FLYWCH1: variants seen among roughly 807,000 people sequenced by gnomAD.
The protein encoded by FLYWCH1 is FLYWCH-type zinc finger-containing protein 1.
FLYWCH1 carries 75 observed loss-of-function variants against 66.4 expected under a neutral mutation model. That is an observed-to-expected ratio of 1.13 (90% CI 0.94 to 1.37). The LOEUF (loss-of-function observed/expected upper bound fraction) is 1.37. Ranked by LOEUF, FLYWCH1 falls within the 40% of genes most tolerant of loss-of-function variation. The pLI is 0.00. For synonymous variants in FLYWCH1, 595 were observed against 429.9 expected, an observed-to-expected ratio of 1.38 and a Z score of -4.75; for missense variants, 1,334 against 1,001.8, an observed-to-expected ratio of 1.33 and a Z score of -4.48.
At chr16:2,944,462 ATGT>A (rs2071398424) in intron 9 of FLYWCH1, among the ~76,000 whole-genome samples, 1 of 152,038 alleles carries the variant, frequency 6.6e-6, no homozygotes, top group Non-Finnish European at 1.5e-5. Flanking sequence ...GATAATAAAT[ATGT>A]TATTAGATTA....
Position 2,930,504 on chromosome 16 carries a change from G to C in FLYWCH1, c.420G>C (p.Gly140=). The C allele has an allele frequency of 6.5e-7, 1 of 1,537,744 alleles. No homozygotes were observed. The highest frequency in any genetic ancestry group is 8.7e-7 in the Non-Finnish European group (1 of 1,147,176). The change falls in exon 4 of 10, where the codon GGG becomes GGC. Residue 140 remains glycine (G), a synonymous_variant. Transcript: ENST00000253928. ...SFLYKQEKAV[G]DKVYWKCRQH... is the part of the protein sequence containing the mutation. ...TGTACAAGCAGGAGAAGGCAGTGGG[G>C]GACAAGGTGTACTGGAAGTGCCGCC...
In FLYWCH1 at chr16:2,912,065, T is replaced by C. The variant is rs3743945; in HGVS notation, c.-277T>C. Reference sequence around the variant, plus strand: ...GTCGGGGTGGCGGCGGCGGCCTGGGTCGCGGGGTCGACGCTCGCTGCTGCA... The same window carrying C: ...GTCGGGGTGGCGGCGGCGGCCTGGGCCGCGGGGTCGACGCTCGCTGCTGCA... On this transcript the variant is annotated 5_prime_UTR_variant, in exon 1 of 10. Transcript: ENST00000253928. 129,256 of 152,188 alleles carry C rather than the reference T, an allele frequency of 0.85. 55,177 individuals carry two copies. The highest frequency in any genetic ancestry group is 0.87 in the Non-Finnish European group (59,408 of 68,054). 9.4% of individuals were successfully genotyped at this position (152,188 alleles called of 1,614,324 possible).
In FLYWCH1 at chr16:2,933,524, G is replaced by A. The variant is rs1480003673; in HGVS notation, c.1191G>A (p.Gln397=). ...GAAAGCGAGCAAAGGTCGAAGACCA[G>A]GAGCTGCCAACCCAGCCCGAGGCCC... is the stretch of plus-strand genomic sequence containing the variant. ...RPRKRAKVED[Q]ELPTQPEAPD... The change falls in exon 5 of 10, where the codon CAG becomes CAA. Residue 397 remains glutamine (Q), a synonymous_variant. Transcript: ENST00000253928. The A allele has an allele frequency of 6.2e-7, 1 of 1,611,752 alleles. No homozygotes were observed. Among genetic ancestry groups the A allele is most frequent in the South Asian group, 1.1e-5 (1 of 90,822 alleles).
chr16:2,923,490 C>T (rs1367287426), intron 2 of FLYWCH1, among the ~76,000 whole-genome samples: 1 of 152,134 alleles, frequency 6.6e-6, no homozygotes, highest in East Asian at 1.9e-4. Flanking sequence ...AGGTGATCCG[C>T]CCGCCTCAGC....
chr16:2,946,126 G>A (rs1483546759), intron 9 of FLYWCH1, among the ~76,000 whole-genome samples: 1 of 152,146 alleles, frequency 6.6e-6, no homozygotes, highest in Non-Finnish European at 1.5e-5. Flanking sequence ...TCAAGTTACA[G>A]TAAGCTTAGG....
Position 2,938,465 on chromosome 16 carries a change from A to C in FLYWCH1, c.2050+9A>C, listed in dbSNP as rs201696980. On this transcript the variant is annotated intron_variant, in intron 8 of 9. Coordinates refer to ENST00000253928, the MANE Select transcript of FLYWCH1 (RefSeq NM_001308068.2). Reference sequence around the variant, plus strand: ...CCAGCAGGAGGACCCAGGTACAGGCAGGCTGTGGGGCAGAGGCAGGGCTGT... The same window carrying C: ...CCAGCAGGAGGACCCAGGTACAGGCCGGCTGTGGGGCAGAGGCAGGGCTGT... 3.3e-6 allele frequency: 5 copies of C among 1,517,012 alleles called. No homozygotes were observed. Among genetic ancestry groups the C allele is most frequent in the Middle Eastern group, 3.6e-4 (2 of 5,578 alleles). The allele number at this position is 1,517,012 out of a possible 1,614,324, so 94.0% of individuals were successfully genotyped here. A position where few individuals can be genotyped will look rare whatever the true frequency, so the allele number is the denominator to read the frequency against.
rs2070703361 is a variant in FLYWCH1 at position 2,929,947 on chromosome 16, CAGGGAGGGGT to C, written c.263_272del (p.Gln88ArgfsTer6). On this transcript the variant is annotated frameshift_variant, in exon 3 of 10. Coordinates refer to ENST00000253928, the MANE Select transcript of FLYWCH1 (RefSeq NM_001308068.2). LOFTEE classifies it high-confidence loss of function. ...CTTGCAGATCCTGCCAGTTGAGGAG[CAGGGAGGGGT>C]GGTCCAGCCAGCCCTAGAGATGCCT... 1.2e-6 allele frequency: 2 copies of C among 1,613,426 alleles called. No homozygotes were observed. Among genetic ancestry groups the C allele is most frequent in the Non-Finnish European group, 1.7e-6 (2 of 1,179,732 alleles).
chr16:2,930,637 C>G lies in FLYWCH1; in HGVS notation c.553C>G (p.Arg185Gly), dbSNP rs760360497. The G allele has an allele frequency of 3.9e-6, 6 of 1,548,170 alleles. No homozygotes were observed. In the South Asian group the frequency reaches 5.9e-5, roughly 15 times the overall value. Residue 185 changes from arginine to glycine, a missense_variant, in exon 4 of 10, where the codon CGC becomes GGC. Physicochemically the swap from Arg to Gly is moderately radical, Grantham distance 125. Transcript: ENST00000253928. ...CGATGAGCAAGGCCTGGAGGCCCGGCGCCAGAGGGAGAAACTGCCCAGCCT... is the reference window on the plus strand; with the variant it reads ...CGATGAGCAAGGCCTGGAGGCCCGGGGCCAGAGGGAGAAACTGCCCAGCCT... ...APDEQGLEAR[R>G]QREKLPSLAL...
intron 4 of FLYWCH1, 63 bp from the exon 5 acceptor site, chr16:2,933,067 G>T: frequency 7.0e-7 from 1 of 1,434,268 alleles, no homozygotes; most frequent in Non-Finnish European, 9.6e-7. Flanking sequence ...CAGTCTGCAG[G>T]GGCTGTCCCT....
At chr16:2,920,223 A>G in intron 2 of FLYWCH1, among the ~76,000 whole-genome samples, 1 of 152,150 alleles carries the variant, frequency 6.6e-6, no homozygotes, top group African/African-American at 2.4e-5. Flanking sequence ...ACCAAACCCA[A>G]GAACAAGAAG....
Position 2,950,818 on chromosome 16 carries a change from G to T in FLYWCH1, c.*2091G>T, listed in dbSNP as rs2071645062. The T allele has an allele frequency of 6.6e-6, 1 of 152,316 alleles. No individual in the cohort carries two copies. Among genetic ancestry groups the T allele is most frequent in the Non-Finnish European group, 1.5e-5 (1 of 68,068 alleles). The allele number at this position is 152,316 out of a possible 1,614,324, so 9.4% of individuals were successfully genotyped here. On this transcript the variant is annotated 3_prime_UTR_variant, in exon 10 of 10. Transcript: ENST00000253928. Reference sequence around the variant, plus strand: ...CGTTGCTGGGCTGAGATTCTCCAATGGACGTGAATTTAGATGATGCTGTTG... The same window carrying T: ...CGTTGCTGGGCTGAGATTCTCCAATTGACGTGAATTTAGATGATGCTGTTG...
At chr16:2,938,112 A>T (rs34921588) in intron 7 of FLYWCH1, 72 bp from the exon 8 acceptor site, 3 of 1,451,148 alleles carry the variant, frequency 2.1e-6, no homozygotes, top group Non-Finnish European at 2.8e-6. Flanking sequence ...TGGCTGGGGG[A>T]TACAAATCAG....
chr16:2,932,270 C>CAA (rs71158125), intron 4 of FLYWCH1, among the ~76,000 whole-genome samples: 31 of 55,298 alleles, frequency 5.6e-4, no homozygotes, highest in African/African-American at 1.6e-3. Context: ...GACCCTGTCT[C>CAA]AAAAAAAAAA....
intron 7 of FLYWCH1, among the ~76,000 whole-genome samples, 192 bp downstream of exon 7, chr16:2,937,576 G>C (rs1031862664): frequency 5.9e-5 from 9 of 152,226 alleles, no homozygotes; most frequent in African/African-American, 2.2e-4. Context: ...CTGGGTAGTG[G>C]GGACTGGCTG....
intron 9 of FLYWCH1, among the ~76,000 whole-genome samples, chr16:2,946,259 C>T (rs927227473): frequency 6.6e-6 from 1 of 150,920 alleles, no homozygotes; most frequent in Non-Finnish European, 1.5e-5. Context: ...CCACCCACAG[C>T]AACTTCCCAC....
chr16:2,926,796 C>T (rs1238943497), intron 2 of FLYWCH1, among the ~76,000 whole-genome samples: 1 of 152,150 alleles, frequency 6.6e-6, no homozygotes, highest in Non-Finnish European at 1.5e-5. Context: ...GTAACATATC[C>T]TGAATCATCA....
At chr16:2,914,637 G>A (rs966599627) in intron 2 of FLYWCH1, among the ~76,000 whole-genome samples, 12 of 152,134 alleles carry the variant, frequency 7.9e-5, no homozygotes, top group Non-Finnish European at 1.5e-4. Flanking sequence ...GGTGGTTCAC[G>A]TCTGTAATCC....
chr16:2,931,211 G>A (rs2070750345), intron 4 of FLYWCH1, among the ~76,000 whole-genome samples: 1 of 149,724 alleles, frequency 6.7e-6, no homozygotes, highest in Non-Finnish European at 1.5e-5. Flanking sequence ...ACTGAGGCAG[G>A]AGAATCGCTT....
intron 9 of FLYWCH1, among the ~76,000 whole-genome samples, chr16:2,946,445 C>CG (rs2151028278): frequency 1.3e-5 from 2 of 151,784 alleles, no homozygotes; most frequent in Admixed American, 1.3e-4. Flanking sequence ...CCTCAGCCCC[C>CG]TGAGTAGCTC....
Sources: allele counts gnomAD v4.1 joint callset (sites outside exome capture counted in the v4.1 genomes callset), GRCh38; gene constraint gnomAD v4.1.1; transcripts MANE v1.5; gene names NCBI Gene and HGNC (gene_info 2026-07-23, HGNC 2026-07-21).